PROSER2: variants seen among roughly 807,000 people sequenced by gnomAD.
The protein encoded by PROSER2 is proline and serine rich 2.
A neutral mutation model predicts 14.6 loss-of-function variants in PROSER2; 18 were observed. The observed-to-expected ratio is 1.23, with a 90% CI of 0.85 to 1.83. The LOEUF (loss-of-function observed/expected upper bound fraction) is 1.83, where lower values mean the gene tolerates loss of function less well. Among genes scored for constraint, PROSER2 ranks in the 40% most tolerant of loss-of-function variants. PROSER2 has a pLI of 0.00. For missense variants in PROSER2, 823 were observed against 629.8 expected (o/e 1.31, Z -3.28); for synonymous variants, 367 against 286.4 (o/e 1.28, Z -2.84).
intron 1 of PROSER2, among the ~76,000 whole-genome samples, chr10:11,847,805 A>G (rs1564306628): frequency 1.3e-5 from 2 of 152,332 alleles, no homozygotes; most frequent in South Asian, 4.1e-4. Context: ...CTAAAACTCT[A>G]AAACTTCGTG....
chr10:11,842,943 T>TTTTTTTTTTTTTTTTTTTTTTTTTTG (rs1833867349), intron 1 of PROSER2, among the ~76,000 whole-genome samples: 1 of 96,310 alleles, frequency 1.0e-5, no homozygotes, highest in Non-Finnish European at 2.3e-5. Context: ...TTTTTTTTTT[T>TTTTTTTTTTTTTTTTTTTTTTTTTTG]TTTTTTTTTT....
intron 2 of PROSER2, among the ~76,000 whole-genome samples, chr10:11,863,959 G>A (rs1794472689): frequency 6.6e-6 from 1 of 152,064 alleles, no homozygotes; most frequent in South Asian, 2.1e-4. Context: ...GTGGCTTCCT[G>A]GGGAGCCCTC....
At chr10:11,827,621 T>C (rs1486283204) in intron 1 of PROSER2, among the ~76,000 whole-genome samples, 2 of 152,112 alleles carry the variant, frequency 1.3e-5, no homozygotes. Flanking sequence ...TATTTATGGA[T>C]TGACCACGTA....
intron 3 of PROSER2, among the ~76,000 whole-genome samples, chr10:11,867,631 GAA>G (rs1434414422): frequency 1.3e-5 from 2 of 152,176 alleles, no homozygotes; most frequent in Admixed American, 6.5e-5. Flanking sequence ...CTCAAAAAAA[GAA>G]AGAGAATCTC....
intron 1 of PROSER2, among the ~76,000 whole-genome samples, chr10:11,846,946 ATC>A (rs1309914202): frequency 6.6e-6 from 1 of 151,500 alleles, no homozygotes; most frequent in Non-Finnish European, 1.5e-5. Flanking sequence ...GTCGGGGGGC[ATC>A]TCTATGTTGC....
chr10:11,851,897 G>C, intron 1 of PROSER2, 100 bp from the exon 2 acceptor site: 1 of 520,480 alleles, frequency 1.9e-6, no homozygotes, highest in Non-Finnish European at 3.0e-6. Flanking sequence ...TAATGGTCGA[G>C]TCTGAGAGTG....
At chr10:11,852,302 C>T (rs1834036496) in intron 2 of PROSER2, 87 bp downstream of exon 2, 1 of 1,421,832 alleles carries the variant, frequency 7.0e-7, no homozygotes, top group African/African-American at 1.4e-5. Context: ...AATATTTTAC[C>T]AGATCTTTTT....
intron 1 of PROSER2, among the ~76,000 whole-genome samples, chr10:11,833,126 G>A (rs1297932027): frequency 6.6e-5 from 10 of 151,210 alleles, no homozygotes; most frequent in Non-Finnish European, 1.5e-4. Flanking sequence ...TTACAGGCAT[G>A]AGCCATTGTA....
At chr10:11,868,181 T>C (rs1381473642) in intron 3 of PROSER2, among the ~76,000 whole-genome samples, 1 of 152,260 alleles carries the variant, frequency 6.6e-6, no homozygotes, top group African/African-American at 2.4e-5. Flanking sequence ...GCCGATCCTT[T>C]TAAAATGTGA....
In PROSER2 at chr10:11,830,777, A is replaced by G. The variant is rs1833680164; in HGVS notation, c.-82+7307A>G. ...GGTCCCCATTGCTTAAAAATGTGCTAAAAACCCCTGCTTTCTCTCTGCCCT... is the reference window on the plus strand; with the variant it reads ...GGTCCCCATTGCTTAAAAATGTGCTGAAAACCCCTGCTTTCTCTCTGCCCT... On this transcript the variant is annotated intron_variant, in intron 1 of 3. Coordinates refer to ENST00000277570, the MANE Select transcript of PROSER2 (RefSeq NM_153256.4). This position sits in a 1 kb window ranked among gnomAD's most constrained non-coding sequence, Gnocchi z 4.5. Among the ~76,000 whole-genome samples the G allele has an allele frequency of 6.6e-6, 1 of 152,166 alleles. No individual in the cohort carries two copies. The highest frequency in any genetic ancestry group is 2.4e-5 in the African/African-American group (1 of 41,438).
rs535178671 is a variant in PROSER2, at chr10:11,855,406, G to A, written c.138+3191G>A. On this transcript the variant is annotated intron_variant, in intron 2 of 3. Coordinates refer to ENST00000277570, the MANE Select transcript of PROSER2 (RefSeq NM_153256.4). ...GGAGAATGGTGTGAACCCGGGAGGC[G>A]GAGCTTGCAGTGAGCCGAGATCGCG... is the stretch of plus-strand genomic sequence containing the variant. Among the ~76,000 whole-genome samples the A allele has an allele frequency of 7.0e-4, 105 of 150,256 alleles. 1 individual carries two copies. Among genetic ancestry groups the A allele is most frequent in the Admixed American group, 4.4e-3 (67 of 15,080 alleles).
intron 1 of PROSER2, chr10:11,831,729 T>C (rs1416419505): frequency 6.6e-6 from 1 of 152,166 alleles, no homozygotes; most frequent in Non-Finnish European, 1.5e-5. Context: ...GATTTTACTT[T>C]AGGAAAATCT....
chr10:11,828,994 T>G (rs1833654285), intron 1 of PROSER2, among the ~76,000 whole-genome samples: 1 of 152,076 alleles, frequency 6.6e-6, no homozygotes, highest in Non-Finnish European at 1.5e-5. Flanking sequence ...GGGGGCAATT[T>G]AGGCCAACAT....
In PROSER2 at chr10:11,838,326, G is replaced by A. The variant is rs139404265; in HGVS notation, c.-81-13671G>A. On this transcript the variant is annotated intron_variant, in intron 1 of 3. Coordinates refer to ENST00000277570, the MANE Select transcript of PROSER2 (RefSeq NM_153256.4). The surrounding 1 kb of genome is among the most constrained non-coding windows in gnomAD (Gnocchi z 4.4). ...CTGACTTTTCATTGAGTGCTTTGAA[G>A]GTCTGTGCATGGCCTCATCCAGCTG... Among the ~76,000 whole-genome samples, 25 of 152,306 alleles carry A rather than the reference G, an allele frequency of 1.6e-4. No individual in the cohort carries two copies. The highest frequency in any genetic ancestry group is 5.5e-4 in the African/African-American group (23 of 41,572).
Position 11,833,893 on chromosome 10 carries a change from T to C in PROSER2, c.-82+10423T>C, listed in dbSNP as rs10508434. 7.5e-3 allele frequency among the ~76,000 whole-genome samples: 1,129 copies of C among 150,852 alleles called. 12 individuals carry two copies. The highest frequency in any genetic ancestry group is 0.07 in the Middle Eastern group (20 of 284). On this transcript the variant is annotated intron_variant, in intron 1 of 3. Coordinates refer to ENST00000277570, the MANE Select transcript of PROSER2 (RefSeq NM_153256.4). Reference sequence around the variant, plus strand: ...TGAAGGAGTCACGAAGGCTTGACCATGTTCGGTAGAGTTTTTGAGCCAAGC... The same window carrying C: ...TGAAGGAGTCACGAAGGCTTGACCACGTTCGGTAGAGTTTTTGAGCCAAGC...
Position 11,842,931 on chromosome 10 carries a change from C to CTTTTTTTTTTTTTTTTTTTTTTTTTTTT in PROSER2, c.-81-9039_-81-9038insTTTTTTTTTTTTTTTTTTTTTTTTTTTT, listed in dbSNP as rs558283551. On this transcript the variant is annotated intron_variant, in intron 1 of 3. Transcript: ENST00000277570. The stretch of plus-strand genomic sequence containing the variant: ...TTTTCTATACTATTTTGCCATTGTT[C>CTTTTTTTTTTTTTTTTTTTTTTTTTTTT]TTTTTTTTTTTTTTTTTTTTTTTTT... Among the ~76,000 whole-genome samples, 127 of 51,952 alleles carry CTTTTTTTTTTTTTTTTTTTTTTTTTTTT rather than the reference C, an allele frequency of 2.4e-3. 29 individuals carry two copies. The highest frequency in any genetic ancestry group is 4.0e-3 in the Non-Finnish European group (109 of 27,012). The allele number at this position is 51,952 out of a possible 152,430, so 34.1% of individuals were successfully genotyped here. A position where few individuals can be genotyped will look rare whatever the true frequency, so the allele number is the denominator to read the frequency against.
At chr10:11,864,727 T>C (rs912891394) in intron 2 of PROSER2, among the ~76,000 whole-genome samples, 1 of 152,056 alleles carries the variant, frequency 6.6e-6, no homozygotes, top group Non-Finnish European at 1.5e-5. Flanking sequence ...TAGCAGGGAT[T>C]ACAGGTGCAC....
At chr10:11,832,967 C>T (rs548295922) in intron 1 of PROSER2, among the ~76,000 whole-genome samples, 37 of 152,106 alleles carry the variant, frequency 2.4e-4, no homozygotes, top group Middle Eastern at 3.4e-3. Context: ...CTCAGCCTCC[C>T]GAGTAGCTGG....
Position 11,837,528 on chromosome 10 carries a change from G to T in PROSER2, c.-82+14058G>T, listed in dbSNP as rs1007210357. On this transcript the variant is annotated intron_variant, in intron 1 of 3. Coordinates refer to ENST00000277570, the MANE Select transcript of PROSER2 (RefSeq NM_153256.4). This position sits in a 1 kb window ranked among gnomAD's most constrained non-coding sequence, Gnocchi z 4.6. Reference sequence around the variant, plus strand: ...ATATAGGTACATGGGGTTGTCTTCAGACCCAGCCTGGACCTGTTTTTGTGA... The same window carrying T: ...ATATAGGTACATGGGGTTGTCTTCATACCCAGCCTGGACCTGTTTTTGTGA... Among the ~76,000 whole-genome samples, 7 of 152,212 alleles carry T rather than the reference G, an allele frequency of 4.6e-5. No homozygotes were observed. Among genetic ancestry groups the T allele is most frequent in the African/African-American group, 1.4e-4 (6 of 41,450 alleles).
Sources: allele counts gnomAD v4.1 joint callset (sites outside exome capture counted in the v4.1 genomes callset), GRCh38; gene constraint gnomAD v4.1.1; non-coding constraint Gnocchi (gnomAD v3.1); transcripts MANE v1.5; gene names NCBI Gene and HGNC (gene_info 2026-07-23, HGNC 2026-07-21).